The following HIF1AN variants were observed in gnomAD, a reference collection of about 807,000 sequenced individuals.
HIF1AN encodes hypoxia-inducible factor 1-alpha inhibitor.
HIF1AN carries 21 observed loss-of-function variants against 47.7 expected under a neutral mutation model. That is an observed-to-expected ratio of 0.44 (90% CI 0.31 to 0.63). The LOEUF (loss-of-function observed/expected upper bound fraction) is 0.63. Among genes scored for constraint, HIF1AN ranks in the 30% least tolerant of loss-of-function variants. HIF1AN has a pLI of 0.07. For synonymous variants in HIF1AN, 152 were observed against 155.9 expected (o/e 0.98, Z 0.18); for missense variants, 320 against 432.7 (o/e 0.74, Z 2.31).
chr10:100,538,657 C>T (rs931056045), intron 2 of HIF1AN, among the ~76,000 whole-genome samples: 9 of 151,736 alleles, frequency 5.9e-5, no homozygotes, highest in African/African-American at 2.2e-4. Flanking sequence ...CCCGTCTCTA[C>T]TAAAAATACA....
chr10:100,549,083 C>CGT lies in HIF1AN; in HGVS notation c.*965_*966dup, dbSNP rs140780017. ...GTGCGTGCGTGTGTGTGTGTGTGTC[C>CGT]GTGTGTGTGTGTGTGTGTGTCCACA... is the stretch of plus-strand genomic sequence containing the variant. On this transcript the variant is annotated 3_prime_UTR_variant, in exon 8 of 8. Coordinates refer to ENST00000299163, the MANE Select transcript of HIF1AN (RefSeq NM_017902.3). 3,659 of 103,786 alleles carry CGT rather than the reference C, an allele frequency of 0.035. 122 individuals are homozygous for CGT. The highest frequency in any genetic ancestry group is 0.088 in the African/African-American group (2,932 of 33,426). The allele number at this position is 103,786 out of a possible 1,614,324, so 6.4% of individuals were successfully genotyped here.
In HIF1AN at chr10:100,555,382, C is replaced by G. The variant is rs895687209; in HGVS notation, c.*7245C>G. On this transcript the variant is annotated 3_prime_UTR_variant, in exon 8 of 8. Coordinates refer to ENST00000299163, the MANE Select transcript of HIF1AN (RefSeq NM_017902.3). ...GGCCTCTGGAGCCACCCTGCCAGAC[C>G]CTACTTGGAAGAAATGTTGAATCAA... is the stretch of plus-strand genomic sequence containing the variant. The G allele has an allele frequency of 1.3e-5, 2 of 152,244 alleles. No individual in the cohort carries two copies. Among genetic ancestry groups the G allele is most frequent in the Non-Finnish European group, 2.9e-5 (2 of 68,084 alleles). The allele number at this position is 152,244 out of a possible 1,614,324, so 9.4% of individuals were successfully genotyped here.
In HIF1AN at chr10:100,548,215, C is replaced by A; in HGVS notation, c.*78C>A. The A allele has an allele frequency of 7.8e-7, 1 of 1,274,900 alleles. No individual in the cohort carries two copies. Among genetic ancestry groups the A allele is most frequent in the Non-Finnish European group, 1.1e-6 (1 of 915,342 alleles). The allele number at this position is 1,274,900 out of a possible 1,614,324, so 79.0% of individuals were successfully genotyped here. On this transcript the variant is annotated 3_prime_UTR_variant, in exon 8 of 8. Transcript: ENST00000299163. ...CTTCATTGATGAGGACAGGAGACTCCAAGCGCTAGTATTGCACGCTGCACT... is the reference window on the plus strand; with the variant it reads ...CTTCATTGATGAGGACAGGAGACTCAAAGCGCTAGTATTGCACGCTGCACT...
At chr10:100,546,221 T>C (rs1380853612) in intron 5 of HIF1AN, among the ~76,000 whole-genome samples, 172 bp downstream of exon 5, 2 of 151,964 alleles carry the variant, frequency 1.3e-5, no homozygotes, top group Admixed American at 6.6e-5. Flanking sequence ...GTGGCGGGAA[T>C]GATAGCCCTG....
rs775707186 is a variant in HIF1AN at position 100,535,993 on chromosome 10, G to A, written c.35G>A (p.Gly12Asp). The A allele has an allele frequency of 1.3e-6, 2 of 1,561,554 alleles. No homozygotes were observed. Among genetic ancestry groups the A allele is most frequent in the African/African-American group, 1.4e-5 (1 of 73,334 alleles). Residue 12 changes from glycine to aspartate, a missense_variant, in exon 1 of 8, where the codon GGC (glycine) becomes GAC (aspartate). Gly to Asp is a moderately conservative substitution (Grantham distance 94, BLOSUM62 -1). This residue lies in a region of HIF1AN where 159 missense variants were observed against 159.9 expected (regional missense o/e 0.99). Transcript: ENST00000299163. ...ACAGCGGCGGAGGCTGTGGCCTCTG[G>A]CTCTGGAGAGCCCCGGGAGGAGGCT... ...AATAAEAVAS[G>D]SGEPREEAGA...
In HIF1AN at chr10:100,548,341, C is replaced by G; in HGVS notation, c.*204C>G. On this transcript the variant is annotated 3_prime_UTR_variant, in exon 8 of 8. Coordinates refer to ENST00000299163, the MANE Select transcript of HIF1AN (RefSeq NM_017902.3). ...ATTTGGAGGGACTTCATACCCTTGC[C>G]TCTTGTGCCCCAGCACCTTCTCTCT... 1 of 496,608 alleles carries G rather than the reference C, an allele frequency of 2.0e-6. No individual in the cohort carries two copies. The highest frequency in any genetic ancestry group is 3.3e-5 in the East Asian group (1 of 30,340). 30.8% of individuals were successfully genotyped at this position (496,608 alleles called of 1,614,324 possible). A position where few individuals can be genotyped will look rare whatever the true frequency, so the allele number is the denominator to read the frequency against.
Position 100,550,412 on chromosome 10 carries a change from TCA to T in HIF1AN, c.*2276_*2277del, listed in dbSNP as rs1843146098. ...CTCACTTACAGATGAATAAATGGGC[TCA>T]GAGAGATTAGGTGATTAGTGACAAT... On this transcript the variant is annotated 3_prime_UTR_variant, in exon 8 of 8. Coordinates refer to ENST00000299163, the MANE Select transcript of HIF1AN (RefSeq NM_017902.3). 6.6e-6 allele frequency: 1 copy of T among 152,226 alleles called. No individual in the cohort carries two copies. Among genetic ancestry groups the T allele is most frequent in the East Asian group, 1.9e-4 (1 of 5,202 alleles). The allele number at this position is 152,226 out of a possible 1,614,324, so 9.4% of individuals were successfully genotyped here. A position where few individuals can be genotyped will look rare whatever the true frequency, so the allele number is the denominator to read the frequency against.
intron 4 of HIF1AN, chr10:100,545,592 A>C (rs1843085809): frequency 4.4e-6 from 1 of 227,326 alleles, no homozygotes; most frequent in African/African-American, 2.3e-5. Context: ...TTCATGTGGG[A>C]GTCTTTGCTG....
chr10:100,547,547 C>G (rs919723012), intron 7 of HIF1AN, among the ~76,000 whole-genome samples: 2 of 152,282 alleles, frequency 1.3e-5, no homozygotes, highest in African/African-American at 2.4e-5. Context: ...TCTCCTTGCA[C>G]TTTCCCAGCT....
At chr10:100,536,178 C>A in intron 1 of HIF1AN, 43 bp downstream of exon 1, 1 of 1,542,362 alleles carries the variant, frequency 6.5e-7, no homozygotes, top group Non-Finnish European at 8.8e-7. Context: ...AGGAAGGTAC[C>A]CGGTTGAGAG....
Position 100,556,225 on chromosome 10 carries a change from AT to A in HIF1AN, c.*8089del, listed in dbSNP as rs1843213761. 2 of 152,184 alleles carry A rather than the reference AT, an allele frequency of 1.3e-5. No homozygotes were observed. The highest frequency in any genetic ancestry group is 4.8e-5 in the African/African-American group (2 of 41,438). 9.4% of individuals were successfully genotyped at this position (152,184 alleles called of 1,614,324 possible). A position where few individuals can be genotyped will look rare whatever the true frequency, so the allele number is the denominator to read the frequency against. Reference sequence around the variant, plus strand: ...TTCCTACCCCTGTCAGTAACCTCTGATGCTTACAAGGATACTATCACCTATG... The same window carrying A: ...TTCCTACCCCTGTCAGTAACCTCTGAGCTTACAAGGATACTATCACCTATG... On this transcript the variant is annotated 3_prime_UTR_variant, in exon 8 of 8. Transcript: ENST00000299163.
In HIF1AN at chr10:100,545,036, G is replaced by A. The variant is rs1843080610; in HGVS notation, c.663G>A (p.Pro221=). Residue 221 remains proline (P), a synonymous_variant, in exon 4 of 8, where the codon CCG becomes CCA. Transcript: ENST00000299163. The part of the protein sequence containing the change: ...KGYKRCILFP[P]DQFECLYPYP... ...ACAAACGATGCATCTTATTCCCTCC[G>A]GATCAGTTCGAGTGCCTCTACCCAT... The A allele has an allele frequency of 1.9e-6, 3 of 1,614,164 alleles. No homozygotes were observed. Among genetic ancestry groups the A allele is most frequent in the Non-Finnish European group, 2.5e-6 (3 of 1,180,024 alleles).
chr10:100,540,704 T>C lies in HIF1AN; in HGVS notation c.499T>C (p.Trp167Arg). 1 of 1,613,952 alleles carries C rather than the reference T, an allele frequency of 6.2e-7. No individual in the cohort carries two copies. Among genetic ancestry groups the C allele is most frequent in the Non-Finnish European group, 8.5e-7 (1 of 1,179,924 alleles). Residue 167 changes from tryptophan to arginine, a missense_variant, in exon 3 of 8, where the codon TGG becomes CGG. This residue lies in a region of HIF1AN where 161 missense variants were observed against 272.8 expected (regional missense o/e 0.59). Coordinates refer to ENST00000299163, the MANE Select transcript of HIF1AN (RefSeq NM_017902.3). ...KIVMDFLGFN[W>R]NWINKQQGKR... Reference sequence around the variant, plus strand: ...TGTCATGGACTTCTTAGGTTTTAACTGGAACTGGATTAATAAGCAACAGGG... The same window carrying C: ...TGTCATGGACTTCTTAGGTTTTAACCGGAACTGGATTAATAAGCAACAGGG...
Position 100,553,091 on chromosome 10 carries a change from G to A in HIF1AN, c.*4954G>A, listed in dbSNP as rs1843180111. 6.6e-6 allele frequency: 1 copy of A among 152,292 alleles called. No homozygotes were observed. Among genetic ancestry groups the A allele is most frequent in the Admixed American group, 6.6e-5 (1 of 15,266 alleles). 9.4% of individuals were successfully genotyped at this position (152,292 alleles called of 1,614,324 possible). Reference sequence around the variant, plus strand: ...TAGGGGTGGGCACCTACAAGGGCCAGTTGAGGGGAGAGGTGCAGGGATTGC... The same window carrying A: ...TAGGGGTGGGCACCTACAAGGGCCAATTGAGGGGAGAGGTGCAGGGATTGC... On this transcript the variant is annotated 3_prime_UTR_variant, in exon 8 of 8. Transcript: ENST00000299163.
At position 100,542,900 on chromosome 10, in the gene HIF1AN, C is replaced by T. The variant is rs1035658469; in HGVS notation, c.578-2051C>T. Among the ~76,000 whole-genome samples, 3 of 128,484 alleles carry T rather than the reference C, an allele frequency of 2.3e-5. No individual in the cohort carries two copies. The South Asian group carries it at 8.1e-4, about 35-fold the overall frequency. The allele number at this position is 128,484 out of a possible 152,430, so 84.3% of individuals were successfully genotyped here. A position where few individuals can be genotyped will look rare whatever the true frequency, so the allele number is the denominator to read the frequency against. ...GAATGAAAGGAGAGGCCCTTAAACT[C>T]CACTCAGGAGAATGAGAGCTTTTTA... On this transcript the variant is annotated intron_variant, in intron 3 of 7. Coordinates refer to ENST00000299163, the MANE Select transcript of HIF1AN (RefSeq NM_017902.3).
chr10:100,547,073 AAG>A, intron 6 of HIF1AN, 65 bp from the exon 7 acceptor site: 1 of 1,152,328 alleles, frequency 8.7e-7, no homozygotes, highest in Non-Finnish European at 1.3e-6. Flanking sequence ...GGATGGTACT[AAG>A]AACAGTAGAG....
rs1405020057 is a variant in HIF1AN at position 100,550,096 on chromosome 10, A to T, written c.*1959A>T. On this transcript the variant is annotated 3_prime_UTR_variant, in exon 8 of 8. Coordinates refer to ENST00000299163, the MANE Select transcript of HIF1AN (RefSeq NM_017902.3). The stretch of plus-strand genomic sequence containing the variant: ...TGGCCACAGTCACACTTGGAAAGAT[A>T]GTAGATTATTTTCGTTCTCCTCAGC... 4.6e-5 allele frequency: 7 copies of T among 152,234 alleles called. No individual in the cohort carries two copies. Among genetic ancestry groups the T allele is most frequent in the Admixed American group, 4.6e-4 (7 of 15,280 alleles). The allele number at this position is 152,234 out of a possible 1,614,324, so 9.4% of individuals were successfully genotyped here. A position where few individuals can be genotyped will look rare whatever the true frequency, so the allele number is the denominator to read the frequency against.
Position 100,555,101 on chromosome 10 carries a change from C to G in HIF1AN, c.*6964C>G, listed in dbSNP as rs1010858963. ...TGATATGTGGAAGATGAATAATTAA[C>G]CAGAGGTTGGGGGATTTCCCCCTTA... On this transcript the variant is annotated 3_prime_UTR_variant, in exon 8 of 8. Transcript: ENST00000299163. The G allele has an allele frequency of 2.6e-5, 4 of 152,192 alleles. No homozygotes were observed. The highest frequency in any genetic ancestry group is 5.9e-5 in the Non-Finnish European group (4 of 68,040). The allele number at this position is 152,192 out of a possible 1,614,324, so 9.4% of individuals were successfully genotyped here. A position where few individuals can be genotyped will look rare whatever the true frequency, so the allele number is the denominator to read the frequency against.
rs1223434607 is a variant in HIF1AN at position 100,557,350 on chromosome 10, T to C, written c.*9213T>C. 2.0e-5 allele frequency: 3 copies of C among 152,182 alleles called. No homozygotes were observed. Among genetic ancestry groups the C allele is most frequent in the Admixed American group, 2.0e-4 (3 of 15,272 alleles). The allele number at this position is 152,182 out of a possible 1,614,324, so 9.4% of individuals were successfully genotyped here. ...CATTTAAAAAAATTGGTTAATAATA[T>C]GATGACCTGCCAATGTGTGTGGAAA... is the stretch of plus-strand genomic sequence containing the variant. On this transcript the variant is annotated 3_prime_UTR_variant, in exon 8 of 8. Transcript: ENST00000299163.
Sources: gnomAD v4.1 joint callset for allele counts (sites outside exome capture counted in the v4.1 genomes callset) on GRCh38, gnomAD v4.1.1 for gene constraint, gnomAD v4.1.1 regional missense constraint, MANE v1.5 for transcripts, NCBI Gene and HGNC (gene_info 2026-07-23, HGNC 2026-07-21) for gene names.